Variants in PHF24 observed in about 807,000 individuals in gnomAD.
PHF24 encodes Galpha inhibitory interacting protein.
In PHF24, 25 loss-of-function variants were observed where a neutral mutation model predicts 42.6. The observed-to-expected ratio is 0.59, with a 90% confidence interval of 0.43 to 0.82. PHF24 has a LOEUF of 0.82. Ranked by LOEUF, PHF24 falls within the 40% of genes least tolerant of loss-of-function variation. The pLI is 0.00. For synonymous variants in PHF24, 185 were observed against 204.8 expected, an observed-to-expected ratio of 0.90 and a Z score of 0.83; for missense variants, 470 against 538.1, an observed-to-expected ratio of 0.87 and a Z score of 1.25.
At chr9:34,690,272 C>T in the PHF24 span, 1 of 1,614,088 alleles carries the variant, frequency 6.2e-7, no homozygotes, top group Non-Finnish European at 8.5e-7. Context: ...TCACGATGTA[C>T]CCAGGGATGG....
chr9:34,683,292 C>T, the PHF24 span, among the ~76,000 whole-genome samples: 1 of 152,246 alleles, frequency 6.6e-6, no homozygotes, highest in African/African-American at 2.4e-5. Flanking sequence ...AACTCCTGAC[C>T]TCAGGTGATC....
chr9:34,948,896 C>T, the PHF24 span, among the ~76,000 whole-genome samples: 2 of 152,136 alleles, frequency 1.3e-5, no homozygotes, highest in Admixed American at 1.3e-4. Flanking sequence ...ACTATATTAA[C>T]ATTAGACAAA....
exon 2 of PHF24, chr9:34,971,554 C>A (rs781343380): frequency 6.2e-7 from 1 of 1,614,110 alleles, no homozygotes; most frequent in Middle Eastern, 1.6e-4. Flanking sequence ...CCGAGATGGG[C>A]GCGGCGTGGA....
chr9:34,683,044 A>G, the PHF24 span, among the ~76,000 whole-genome samples: 1 of 146,022 alleles, frequency 6.8e-6, no homozygotes, highest in Non-Finnish European at 1.5e-5. Flanking sequence ...ACCTTGAAAA[A>G]TATACTTTCT....
At chr9:34,691,231 G>C in the PHF24 span, 1 of 1,119,172 alleles carries the variant, frequency 8.9e-7, no homozygotes, top group Non-Finnish European at 1.3e-6. Flanking sequence ...GGGCGACTGG[G>C]ATGCAGGGGT....
chr9:34,712,366 A>C, the PHF24 span, among the ~76,000 whole-genome samples: 2,438 of 151,694 alleles, frequency 0.016, 57 homozygotes, highest in African/African-American at 0.051. Flanking sequence ...TTTTGTCATT[A>C]TTTCTTCAAT....
At chr9:34,927,372 G>A in the PHF24 span, among the ~76,000 whole-genome samples, 26 of 152,130 alleles carry the variant, frequency 1.7e-4, no homozygotes, top group Non-Finnish European at 3.4e-4. Flanking sequence ...AGAACAGGGT[G>A]TGCTTCAGAG....
At chr9:34,691,085 C>T in the PHF24 span, 3 of 1,605,802 alleles carry the variant, frequency 1.9e-6, no homozygotes, top group East Asian at 6.7e-5. Context: ...CTCCCTTCAG[C>T]CTTACCTGGG....
intron 7 of PHF24, 93 bp downstream of exon 7, chr9:34,977,734 A>C: frequency 9.0e-7 from 1 of 1,111,548 alleles, no homozygotes; most frequent in Admixed American, 2.1e-5. Flanking sequence ...CCACTCCAAA[A>C]CAGCAAGCGC....
the PHF24 span, among the ~76,000 whole-genome samples, chr9:34,851,771 A>G: frequency 6.6e-6 from 1 of 152,154 alleles, no homozygotes; most frequent in African/African-American, 2.4e-5. Context: ...ATTGTCGATC[A>G]CAAGTTAACT....
the PHF24 span, among the ~76,000 whole-genome samples, chr9:34,897,754 G>C: frequency 3.0e-3 from 457 of 152,248 alleles, no homozygotes; most frequent in African/African-American, 0.01. Context: ...GGTGATTTGT[G>C]AGGTTTTGGT....
At chr9:34,690,773 C>T in the PHF24 span, among the ~76,000 whole-genome samples, 1 of 152,042 alleles carries the variant, frequency 6.6e-6, no homozygotes, top group African/African-American at 2.4e-5. Context: ...TAGTGTCTGC[C>T]ATTCTCCCTA....
At chr9:34,679,509 G>A in the PHF24 span, among the ~76,000 whole-genome samples, 10 of 152,234 alleles carry the variant, frequency 6.6e-5, no homozygotes, top group Non-Finnish European at 1.2e-4. Flanking sequence ...GAGGTCAGGA[G>A]ATCGAGACCA....
chr9:34,669,040 A>G, the PHF24 span, among the ~76,000 whole-genome samples: 1 of 152,238 alleles, frequency 6.6e-6, no homozygotes, highest in African/African-American at 2.4e-5. Flanking sequence ...TTATCTACCT[A>G]TGACCTGGAA....
At chr9:34,767,491 C>T in the PHF24 span, among the ~76,000 whole-genome samples, 16 of 152,374 alleles carry the variant, frequency 1.1e-4, no homozygotes, top group African/African-American at 2.6e-4. Context: ...ACTCCGTGCG[C>T]GTAGGACCCT....
chr9:34,690,193 C>A, the PHF24 span: 8 of 1,613,764 alleles, frequency 5.0e-6, no homozygotes, highest in African/African-American at 9.3e-5. Context: ...AGGCTAGACA[C>A]CCTCCCCACA....
At chr9:34,742,516 C>T in the PHF24 span, among the ~76,000 whole-genome samples, 1 of 152,186 alleles carries the variant, frequency 6.6e-6, no homozygotes, top group African/African-American at 2.4e-5. Flanking sequence ...TTACGGTTGT[C>T]ACACCATCAC....
chr9:34,972,706 G>A (rs1054824653), intron 3 of PHF24, among the ~76,000 whole-genome samples, 175 bp downstream of exon 3: 3 of 152,248 alleles, frequency 2.0e-5, no homozygotes, highest in African/African-American at 4.8e-5. Flanking sequence ...ACGAGGTCAA[G>A]AGATTGAGAC....
At chr9:34,862,481 A>G in the PHF24 span, among the ~76,000 whole-genome samples, 7 of 152,080 alleles carry the variant, frequency 4.6e-5, no homozygotes, top group African/African-American at 1.7e-4. Flanking sequence ...GGCACCAGTC[A>G]GAGTTGTGAG....
Sources: gnomAD v4.1 joint callset for allele counts (sites outside exome capture counted in the v4.1 genomes callset) on GRCh38, gnomAD v4.1.1 for gene constraint, MANE v1.5 for transcripts, NCBI Gene and HGNC (gene_info 2026-07-23, HGNC 2026-07-21) for gene names.